Variants in SPSB1 observed in about 807,000 individuals in gnomAD.
The protein encoded by SPSB1 is splA/ryanodine receptor domain and SOCS box containing 1, also known as SPRY domain-containing SOCS box protein 1.
In SPSB1, 8 loss-of-function variants were observed where a neutral mutation model predicts 21.2. The observed-to-expected ratio is 0.38, with a 90% CI of 0.22 to 0.68. The LOEUF (loss-of-function observed/expected upper bound fraction) is 0.68, where lower values mean the gene tolerates loss of function less well. SPSB1 is among the 30% of genes least tolerant of loss of function. The pLI is 0.53. For synonymous variants in SPSB1, 169 were observed against 161.7 expected, an observed-to-expected ratio of 1.05 and a Z score of -0.34; for missense variants, 242 against 377.8, an observed-to-expected ratio of 0.64 and a Z score of 2.98.
In SPSB1 at chr1:9,321,373, G is replaced by A. The variant is rs540219170; in HGVS notation, c.-150+28302G>A. ...AGCCCGATGGCAGGGGGTGGGCTCC[G>A]AGCTCCAGGGCCCATTCTTGGGAGA... On this transcript the variant is annotated intron_variant, in intron 1 of 2. Transcript: ENST00000328089. This position sits in a 1 kb window ranked among gnomAD's most constrained non-coding sequence, Gnocchi z 4.8. Among the ~76,000 whole-genome samples, 13 of 152,258 alleles carry A rather than the reference G, an allele frequency of 8.5e-5. No individual in the cohort carries two copies. Among genetic ancestry groups the A allele is most frequent in the East Asian group, 1.9e-4 (1 of 5,174 alleles).
intron 1 of SPSB1, among the ~76,000 whole-genome samples, chr1:9,344,254 G>A (rs1317650947): frequency 6.6e-6 from 1 of 152,148 alleles, no homozygotes; most frequent in Admixed American, 6.5e-5. Flanking sequence ...AGGCTGCCCC[G>A]TGGAGTTTCT....
At chr1:9,326,110 G>A (rs371160367) in intron 1 of SPSB1, among the ~76,000 whole-genome samples, 1 of 151,930 alleles carries the variant, frequency 6.6e-6, no homozygotes, top group Non-Finnish European at 1.5e-5. Flanking sequence ...CTGGGCTGCC[G>A]ACACGTGGGG....
intron 1 of SPSB1, among the ~76,000 whole-genome samples, chr1:9,298,369 C>T (rs1639259269): frequency 8.1e-6 from 1 of 124,060 alleles, no homozygotes; most frequent in Non-Finnish European, 1.8e-5. Flanking sequence ...ACTAAGCCCC[C>T]ATGAATGAAT....
At chr1:9,338,694 G>A (rs1484296560) in intron 1 of SPSB1, among the ~76,000 whole-genome samples, 1 of 152,254 alleles carries the variant, frequency 6.6e-6, no homozygotes, top group Non-Finnish European at 1.5e-5. Context: ...AGGCAGGGCT[G>A]GGGTCTTCAG....
intron 2 of SPSB1, among the ~76,000 whole-genome samples, chr1:9,361,023 G>A (rs771830575): frequency 1.1e-4 from 16 of 152,140 alleles, no homozygotes; most frequent in Admixed American, 3.9e-4. Context: ...CCCCCGTCCC[G>A]GGAGAGTTGG....
chr1:9,367,383 G>A lies in SPSB1; in HGVS notation c.695-65G>A. On this transcript the variant is annotated intron_variant, in intron 2 of 2. Transcript: ENST00000328089. The surrounding 1 kb of genome is among the most constrained non-coding windows in gnomAD (Gnocchi z 5.9). ...TAATCAGTGATAATATTGCTGCTGT[G>A]GTTAGCGCTGTTTGCTGAACACCCA... The A allele has an allele frequency of 6.2e-7, 1 of 1,609,718 alleles. No homozygotes were observed. Among genetic ancestry groups the A allele is most frequent in the Non-Finnish European group, 8.5e-7 (1 of 1,178,902 alleles).
intron 1 of SPSB1, among the ~76,000 whole-genome samples, chr1:9,349,801 C>T (rs80237880): frequency 6.6e-6 from 1 of 152,190 alleles, no homozygotes; most frequent in Admixed American, 6.5e-5. Flanking sequence ...CTTGACCCTT[C>T]CTGATCTTTA....
intron 2 of SPSB1, among the ~76,000 whole-genome samples, chr1:9,361,822 C>T (rs756380273): frequency 2.0e-5 from 3 of 152,210 alleles, no homozygotes; most frequent in South Asian, 2.1e-4. Context: ...GGCCTGACCC[C>T]GGGCCTGCCC....
intron 1 of SPSB1, among the ~76,000 whole-genome samples, chr1:9,320,139 C>T (rs1258767398): frequency 6.6e-6 from 1 of 152,244 alleles, no homozygotes; most frequent in Non-Finnish European, 1.5e-5. Flanking sequence ...GCCCCACCCC[C>T]CACTATAGTT....
At chr1:9,307,403 C>T (rs1329972578) in intron 1 of SPSB1, among the ~76,000 whole-genome samples, 1 of 152,202 alleles carries the variant, frequency 6.6e-6, no homozygotes, top group Non-Finnish European at 1.5e-5. Context: ...CACCTCCCAT[C>T]CTCCCTCCCC....
At chr1:9,359,106 C>A (rs759394920) in intron 2 of SPSB1, among the ~76,000 whole-genome samples, 2 of 152,214 alleles carry the variant, frequency 1.3e-5, no homozygotes, top group Non-Finnish European at 2.9e-5. Context: ...AGCATCACAG[C>A]CGGGCGCTAT....
At position 9,317,268 on chromosome 1, in the gene SPSB1, G is replaced by A. The variant is rs748550085; in HGVS notation, c.-150+24197G>A. On this transcript the variant is annotated intron_variant, in intron 1 of 2. Coordinates refer to ENST00000328089, the MANE Select transcript of SPSB1 (RefSeq NM_025106.4). This position sits in a 1 kb window ranked among gnomAD's most constrained non-coding sequence, Gnocchi z 4.3. ...GGGATGTGTAAGCACTGGAGAGGGA[G>A]GAGGAAGGGAAGAAGGGAATAAATG... Among the ~76,000 whole-genome samples, 27 of 152,282 alleles carry A rather than the reference G, an allele frequency of 1.8e-4. No individual in the cohort carries two copies. Among genetic ancestry groups the A allele is most frequent in the Non-Finnish European group, 3.1e-4 (21 of 68,022 alleles).
rs967950694 is a variant in SPSB1, at chr1:9,324,788, C to T, written c.-149-30955C>T. On this transcript the variant is annotated intron_variant, in intron 1 of 2. Transcript: ENST00000328089. The surrounding 1 kb of genome is among the most constrained non-coding windows in gnomAD (Gnocchi z 4.3). Reference sequence around the variant, plus strand: ...CTCACTCTGACAAAAACGCTTGTGGCCCTGGACTTCTTAGAGCCAACACTG... The same window carrying T: ...CTCACTCTGACAAAAACGCTTGTGGTCCTGGACTTCTTAGAGCCAACACTG... 6.6e-6 allele frequency among the ~76,000 whole-genome samples: 1 copy of T among 152,200 alleles called. No individual in the cohort carries two copies. Among genetic ancestry groups the T allele is most frequent in the Non-Finnish European group, 1.5e-5 (1 of 68,038 alleles).
intron 2 of SPSB1, among the ~76,000 whole-genome samples, chr1:9,364,349 G>A (rs563154960): frequency 3.9e-5 from 6 of 152,360 alleles, no homozygotes; most frequent in East Asian, 3.9e-4. Context: ...CACAGGCTGC[G>A]ATAAGCACTT....
rs187331885 is a variant in SPSB1, at chr1:9,329,775, C to T, written c.-149-25968C>T. Reference sequence around the variant, plus strand: ...GGAGTCCAGGAGACTTCCCAGATCTCGGCATCGGACACATGGCGGTGGGGC... The same window carrying T: ...GGAGTCCAGGAGACTTCCCAGATCTTGGCATCGGACACATGGCGGTGGGGC... On this transcript the variant is annotated intron_variant, in intron 1 of 2. Transcript: ENST00000328089. Among the ~76,000 whole-genome samples, 900 of 150,426 alleles carry T rather than the reference C, an allele frequency of 6.0e-3. 3 individuals carry two copies. Among genetic ancestry groups the T allele is most frequent in the Non-Finnish European group, 8.6e-3 (580 of 67,810 alleles).
chr1:9,334,677 C>T (rs1477230449), intron 1 of SPSB1, among the ~76,000 whole-genome samples: 1 of 151,978 alleles, frequency 6.6e-6, no homozygotes. Flanking sequence ...TCCTGCTCCC[C>T]GGAGCTCCTG....
intron 2 of SPSB1, among the ~76,000 whole-genome samples, chr1:9,367,000 C>T (rs1640584107): frequency 1.3e-5 from 2 of 152,202 alleles, no homozygotes; most frequent in Admixed American, 6.5e-5. Flanking sequence ...GTGTTCCGAC[C>T]GACAGGCCCC....
At chr1:9,328,774 C>T (rs1335395903) in intron 1 of SPSB1, among the ~76,000 whole-genome samples, 5 of 152,234 alleles carry the variant, frequency 3.3e-5, no homozygotes, top group South Asian at 2.1e-4. Context: ...GCTCACTCTG[C>T]GCTGGGGCTT....
chr1:9,293,066 G>A lies in SPSB1; in HGVS notation c.-155G>A. 1.0e-6 allele frequency: 1 copy of A among 980,118 alleles called. No homozygotes were observed. The highest frequency in any genetic ancestry group is 1.2e-6 in the Non-Finnish European group (1 of 826,404). The allele number at this position is 980,118 out of a possible 1,614,324, so 60.7% of individuals were successfully genotyped here. ...GAGCAGCGGCGGCGGCGGCACCCCG[G>A]GCGCGGTAGGCGGCGCGGGGCACCT... On this transcript the variant is annotated 5_prime_UTR_variant, in exon 1 of 3. Transcript: ENST00000328089. This position sits in a 1 kb window ranked among gnomAD's most constrained non-coding sequence, Gnocchi z 5.1.
Sources: gnomAD v4.1 joint callset for allele counts (sites outside exome capture counted in the v4.1 genomes callset) on GRCh38, gnomAD v4.1.1 for gene constraint, Gnocchi (gnomAD v3.1) non-coding constraint, MANE v1.5 for transcripts, NCBI Gene and HGNC (gene_info 2026-07-23, HGNC 2026-07-21) for gene names.